The following ANKRD52 variants were observed in gnomAD, a reference collection of about 807,000 sequenced individuals.
ANKRD52 encodes ankyrin repeat domain 52.
In ANKRD52, 7 loss-of-function variants were observed where a neutral mutation model predicts 116.0. That is an observed-to-expected ratio of 0.06 (90% CI 0.03 to 0.11). The LOEUF is 0.11. Among genes scored for constraint, ANKRD52 ranks in the 10% least tolerant of loss-of-function variants. The pLI, the probability that ANKRD52 is intolerant of heterozygous loss-of-function variation, is 1.00. For missense variants in ANKRD52, 839 were observed against 1,408.6 expected (o/e 0.60, Z 6.47); for synonymous variants, 528 against 578.1 (o/e 0.91, Z 1.24).
At position 56,243,491 on chromosome 12, in the gene ANKRD52, G is replaced by A; in HGVS notation, c.2981-99C>T. 2.0e-6 allele frequency: 3 copies of A among 1,468,158 alleles called. No homozygotes were observed. Among genetic ancestry groups the A allele is most frequent in the African/African-American group, 1.4e-5 (1 of 70,888 alleles). 90.9% of individuals were successfully genotyped at this position (1,468,158 alleles called of 1,614,324 possible). On this transcript the variant is annotated intron_variant, in intron 27 of 27. Coordinates refer to ENST00000267116, the MANE Select transcript of ANKRD52 (RefSeq NM_173595.4). This position sits in a 1 kb window ranked among gnomAD's most constrained non-coding sequence, Gnocchi z 4.6. The stretch of plus-strand genomic sequence containing the variant: ...CTTCTCTGTGGAGGGAGCCAAGGCA[G>A]GCAGGTACCCAGCAGCGGCAGAATC...
In ANKRD52 at chr12:56,252,438, C is replaced by T; in HGVS notation, c.1370+64G>A. 2 of 1,595,262 alleles carry T rather than the reference C, an allele frequency of 1.3e-6. No individual in the cohort carries two copies. The highest frequency in any genetic ancestry group is 1.7e-6 in the Non-Finnish European group (2 of 1,163,422). ...TTTAAGTCTCCAATCTAAACCCTTC[C>T]TCCCTCTACCATTTGTTTCTCTAAT... On this transcript the variant is annotated intron_variant, in intron 13 of 27. Transcript: ENST00000267116. The surrounding 1 kb of genome is among the most constrained non-coding windows in gnomAD (Gnocchi z 4.7).
chr12:56,253,091 A>G lies in ANKRD52; in HGVS notation c.1101-5T>C. ...AACATGTCATGGATGCCACGCCTAG[A>G]GAGAAGTTGAGGGACTCAGTCCTTG... On this transcript the variant is annotated splice_region_variant and splice_polypyrimidine_tract_variant and intron_variant, in intron 10 of 27. Transcript: ENST00000267116. The surrounding 1 kb of genome is among the most constrained non-coding windows in gnomAD (Gnocchi z 5.5). 1 of 1,564,414 alleles carries G rather than the reference A, an allele frequency of 6.4e-7. No homozygotes were observed. Among genetic ancestry groups the G allele is most frequent in the Non-Finnish European group, 8.7e-7 (1 of 1,155,514 alleles).
rs747637250 is a variant in ANKRD52 at position 56,255,090 on chromosome 12, G to A, written c.463-138C>T. The stretch of plus-strand genomic sequence containing the variant: ...ATGAGCAAAACAACCTGGAGGACTC[G>A]AGGGAACAGCAGAAGCAGGCACTAA... On this transcript the variant is annotated intron_variant, in intron 5 of 27. Coordinates refer to ENST00000267116, the MANE Select transcript of ANKRD52 (RefSeq NM_173595.4). This position sits in a 1 kb window ranked among gnomAD's most constrained non-coding sequence, Gnocchi z 4.3. 3.8e-4 allele frequency: 277 copies of A among 724,990 alleles called. 1 individual carries two copies. Among genetic ancestry groups the A allele is most frequent in the Non-Finnish European group, 5.7e-4 (250 of 438,224 alleles). 44.9% of individuals were successfully genotyped at this position (724,990 alleles called of 1,614,324 possible).
chr12:56,244,297 C>T lies in ANKRD52; in HGVS notation c.2805+56G>A. On this transcript the variant is annotated intron_variant, in intron 25 of 27. Coordinates refer to ENST00000267116, the MANE Select transcript of ANKRD52 (RefSeq NM_173595.4). The surrounding 1 kb of genome is among the most constrained non-coding windows in gnomAD (Gnocchi z 4.9). ...AGTCCCCTCTGCAACCGAGACTTAC[C>T]TCTCTTCATCAAGCTCTGCCCCTTA... The T allele has an allele frequency of 6.3e-7, 1 of 1,589,368 alleles. No homozygotes were observed. Among genetic ancestry groups the T allele is most frequent in the Non-Finnish European group, 8.6e-7 (1 of 1,158,474 alleles).
Position 56,237,992 on chromosome 12 carries a change from A to C in ANKRD52, c.*5150T>G. ...ATCTGCGGGGAGAACATTGTGCTTT[A>C]GCCCAGGGAGGGGAGGGGTGGGGCA... On this transcript the variant is annotated 3_prime_UTR_variant, in exon 28 of 28. Transcript: ENST00000267116. 10 of 258,662 alleles carry C rather than the reference A, an allele frequency of 3.9e-5. No homozygotes were observed. The highest frequency in any genetic ancestry group is 1.2e-4 in the South Asian group (1 of 8,398). The allele number at this position is 258,662 out of a possible 1,614,324, so 16.0% of individuals were successfully genotyped here. A position where few individuals can be genotyped will look rare whatever the true frequency, so the allele number is the denominator to read the frequency against.
In ANKRD52 at chr12:56,258,283, C is replaced by T. The variant is rs761854708; in HGVS notation, c.-14G>A. The T allele has an allele frequency of 1.9e-6, 3 of 1,568,046 alleles. No homozygotes were observed. Among genetic ancestry groups the T allele is most frequent in the Non-Finnish European group, 2.6e-6 (3 of 1,160,890 alleles). On this transcript the variant is annotated 5_prime_UTR_variant, in exon 1 of 28. Coordinates refer to ENST00000267116, the MANE Select transcript of ANKRD52 (RefSeq NM_173595.4). ...GAGGATCCCCATGGCTCGGCCCGGGCTCCGTCCGCATCGAGCTCCCGGCGG... is the reference window on the plus strand; with the variant it reads ...GAGGATCCCCATGGCTCGGCCCGGGTTCCGTCCGCATCGAGCTCCCGGCGG...
intron 1 of ANKRD52, 147 bp from the exon 2 acceptor site, chr12:56,258,058 G>T: frequency 7.6e-7 from 1 of 1,313,682 alleles, no homozygotes; most frequent in Non-Finnish European, 1.1e-6. Context: ...GAGCTCCCGC[G>T]GTGCCTCCGC....
intron 15 of ANKRD52, among the ~76,000 whole-genome samples, chr12:56,250,851 T>C (rs980701288): frequency 1.3e-5 from 2 of 152,078 alleles, no homozygotes; most frequent in African/African-American, 4.8e-5. Flanking sequence ...ATAAGTGTCC[T>C]TTTATTTATC....
chr12:56,245,477 T>C lies in ANKRD52; in HGVS notation c.2304A>G (p.Ala768=), dbSNP rs1312324079. The part of the protein sequence containing the change: ...IHLASACGHT[A]VLRTLLQAAL... ...CAGCCTGCAGCAGGGTCCGCAGTAC[T>C]GCAGTGTGGCCACAGGCTGAGGCCA... is the stretch of plus-strand genomic sequence containing the variant. The change falls in exon 21 of 28, where the codon GCA becomes GCG. Residue 768 remains alanine, a synonymous_variant. Transcript: ENST00000267116. The C allele has an allele frequency of 1.2e-6, 2 of 1,612,268 alleles. No homozygotes were observed. Among genetic ancestry groups the C allele is most frequent in the Non-Finnish European group, 1.7e-6 (2 of 1,179,314 alleles).
In ANKRD52 at chr12:56,258,302, CCGGCGGCGG is replaced by C. The variant is rs751124828; in HGVS notation, c.-42_-34del. 4.8e-5 allele frequency: 74 copies of C among 1,535,136 alleles called. No homozygotes were observed. Among genetic ancestry groups the C allele is most frequent in the East Asian group, 2.7e-4 (10 of 37,566 alleles). On this transcript the variant is annotated 5_prime_UTR_variant, in exon 1 of 28. Transcript: ENST00000267116. ...CCCGGGCTCCGTCCGCATCGAGCTC[CCGGCGGCGG>C]CGGCGGCGGCTCCACCGGGGACACG...
At position 56,253,107 on chromosome 12, in the gene ANKRD52, T is replaced by A; in HGVS notation, c.1101-21A>T. On this transcript the variant is annotated intron_variant, in intron 10 of 27. Transcript: ENST00000267116. The surrounding 1 kb of genome is among the most constrained non-coding windows in gnomAD (Gnocchi z 5.5). ...CACGCCTAGAGAGAAGTTGAGGGACTCAGTCCTTGGGTCAAGGAGGGACCA... is the reference window on the plus strand; with the variant it reads ...CACGCCTAGAGAGAAGTTGAGGGACACAGTCCTTGGGTCAAGGAGGGACCA... 6.5e-7 allele frequency: 1 copy of A among 1,549,678 alleles called. No individual in the cohort carries two copies. The highest frequency in any genetic ancestry group is 8.7e-7 in the Non-Finnish European group (1 of 1,146,226).
chr12:56,254,418 G>A lies in ANKRD52; in HGVS notation c.694-139C>T. On this transcript the variant is annotated intron_variant, in intron 7 of 27. Transcript: ENST00000267116. This position sits in a 1 kb window ranked among gnomAD's most constrained non-coding sequence, Gnocchi z 4.6. ...ATGACCCAAGGTACTAAGGTACTAA[G>A]GGCACTATGGCTAAGGTAAGCATTA... 7.0e-7 allele frequency: 1 copy of A among 1,431,474 alleles called. No homozygotes were observed. Among genetic ancestry groups the A allele is most frequent in the South Asian group, 1.3e-5 (1 of 77,390 alleles). The allele number at this position is 1,431,474 out of a possible 1,614,324, so 88.7% of individuals were successfully genotyped here. A position where few individuals can be genotyped will look rare whatever the true frequency, so the allele number is the denominator to read the frequency against.
rs1483414362 is a variant in ANKRD52 at position 56,242,211 on chromosome 12, T to C, written c.*931A>G. 1 of 398,472 alleles carries C rather than the reference T, an allele frequency of 2.5e-6. No homozygotes were observed. Among genetic ancestry groups the C allele is most frequent in the African/African-American group, 2.1e-5 (1 of 48,626 alleles). The allele number at this position is 398,472 out of a possible 1,614,324, so 24.7% of individuals were successfully genotyped here. On this transcript the variant is annotated 3_prime_UTR_variant, in exon 28 of 28. Transcript: ENST00000267116. The surrounding 1 kb of genome is among the most constrained non-coding windows in gnomAD (Gnocchi z 4.3). ...CATGCCTGAAACACAGTGGACATAC[T>C]AGGGCTGTGGTTTTGAAATGGGCAG...
intron 15 of ANKRD52, among the ~76,000 whole-genome samples, chr12:56,251,685 C>G (rs1871698897): frequency 6.8e-6 from 1 of 146,802 alleles, no homozygotes; most frequent in Admixed American, 7.1e-5. Flanking sequence ...GCGCGGTGAG[C>G]TGAGATCACA....
chr12:56,241,838 G>C lies in ANKRD52; in HGVS notation c.*1304C>G. The stretch of plus-strand genomic sequence containing the variant: ...ACTGCCCCCTCTTCACTCCAGCCCA[G>C]TTTGGCTTTTGGGGTGCGACTTTAG... On this transcript the variant is annotated 3_prime_UTR_variant, in exon 28 of 28. Transcript: ENST00000267116. 2.5e-6 allele frequency: 1 copy of C among 397,328 alleles called. No homozygotes were observed. Among genetic ancestry groups the C allele is most frequent in the Non-Finnish European group, 4.4e-6 (1 of 225,822 alleles). 24.6% of individuals were successfully genotyped at this position (397,328 alleles called of 1,614,324 possible).
At position 56,255,939 on chromosome 12, in the gene ANKRD52, G is replaced by A. The variant is rs954038623; in HGVS notation, c.307C>T (p.Arg103Trp). 8 of 1,575,268 alleles carry A rather than the reference G, an allele frequency of 5.1e-6. No homozygotes were observed. The highest frequency in any genetic ancestry group is 3.5e-5 in the South Asian group (3 of 86,508). ...AGTGGTGTCTGCCACAGCTTGTCCC[G>A]GGCATTCACATCTGCTGAATGTGCC... ...LLAHSADVNARDKLWQTPLHV... is the reference protein window; with the variant it reads ...LLAHSADVNAWDKLWQTPLHV... Residue 103 changes from arginine to tryptophan, a missense_variant, in exon 5 of 28, where the codon CGG (arginine) becomes TGG (tryptophan). Transcript: ENST00000267116. This position sits in a 1 kb window ranked among gnomAD's most constrained non-coding sequence, Gnocchi z 4.3.
In ANKRD52 at chr12:56,252,022, C is replaced by A. The variant is rs765971726; in HGVS notation, c.1585G>T (p.Ala529Ser). ...GCCCTCTCTGCTACTCACAAGAAGG[C>A]CTCCTTCCTGCGGGACTCCTTCAGT... Reference protein sequence around the residue: ...EPLKESRRKEAFFCLEFLLDN... With the variant: ...EPLKESRRKESFFCLEFLLDN... Residue 529 changes from alanine to serine, a missense_variant, in exon 15 of 28, where the codon GCC (alanine) becomes TCC (serine). Ala to Ser is a moderately conservative substitution (Grantham distance 99). Transcript: ENST00000267116. This position sits in a 1 kb window ranked among gnomAD's most constrained non-coding sequence, Gnocchi z 4.7. 1 of 1,613,562 alleles carries A rather than the reference C, an allele frequency of 6.2e-7. No individual in the cohort carries two copies. The highest frequency in any genetic ancestry group is 2.2e-5 in the East Asian group (1 of 44,890).
At chr12:56,250,490 C>A (rs1224935020) in intron 15 of ANKRD52, among the ~76,000 whole-genome samples, 2 of 151,278 alleles carry the variant, frequency 1.3e-5, no homozygotes, top group African/African-American at 4.8e-5. Context: ...GATCCTCTTG[C>A]CTTACCTGCA....
Position 56,254,364 on chromosome 12 carries a change from C to A in ANKRD52, c.694-85G>T. On this transcript the variant is annotated intron_variant, in intron 7 of 27. Transcript: ENST00000267116. The surrounding 1 kb of genome is among the most constrained non-coding windows in gnomAD (Gnocchi z 4.6). ...ATGTAGCCTCCAGATCCCAGAAATC[C>A]AACGACTGCCTCATTTCCTCTCGGG... The A allele has an allele frequency of 6.7e-7, 1 of 1,491,056 alleles. No homozygotes were observed. The highest frequency in any genetic ancestry group is 9.2e-7 in the Non-Finnish European group (1 of 1,087,694). The allele number at this position is 1,491,056 out of a possible 1,614,324, so 92.4% of individuals were successfully genotyped here. A position where few individuals can be genotyped will look rare whatever the true frequency, so the allele number is the denominator to read the frequency against.
Sources: allele counts gnomAD v4.1 joint callset (sites outside exome capture counted in the v4.1 genomes callset), GRCh38; gene constraint gnomAD v4.1.1; non-coding constraint Gnocchi (gnomAD v3.1); transcripts MANE v1.5; gene names NCBI Gene and HGNC (gene_info 2026-07-23, HGNC 2026-07-21).